LRRC3B: variants seen among roughly 807,000 people sequenced by gnomAD.
The protein encoded by LRRC3B is leucine rich repeat containing 3B.
LRRC3B carries 2 observed loss-of-function variants against 12.8 expected under a neutral mutation model. The ratio of observed to expected loss-of-function variants is 0.16; its 90% CI spans 0.06 to 0.49. The LOEUF is 0.49. LRRC3B is among the 20% of genes least tolerant of loss of function. The pLI is 0.96. For synonymous variants in LRRC3B, 132 were observed against 122.0 expected (o/e 1.08, Z -0.54); for missense variants, 189 against 319.4 (o/e 0.59, Z 3.11).
At chr3:26,651,160 T>G (rs1417265578) in intron 1 of LRRC3B, among the ~76,000 whole-genome samples, 1 of 152,076 alleles carries the variant, frequency 6.6e-6, no homozygotes, top group Non-Finnish European at 1.5e-5. Context: ...AGAGAATGGG[T>G]GTAGTTAAAA....
rs183898735 is a variant in LRRC3B, at chr3:26,684,211, T to C, written c.-160-25302T>C. Among the ~76,000 whole-genome samples, 98 of 152,346 alleles carry C rather than the reference T, an allele frequency of 6.4e-4. 1 individual carries two copies. The highest frequency in any genetic ancestry group is 2.3e-3 in the African/African-American group (96 of 41,578). On this transcript the variant is annotated intron_variant, in intron 1 of 1. Coordinates refer to ENST00000396641, the Ensembl canonical transcript of LRRC3B. ...CACAAAGCTTTGTGCTTTCTGATAGTATCCAAGGAACCAGGGGTGAAAGTA... is the reference window on the plus strand; with the variant it reads ...CACAAAGCTTTGTGCTTTCTGATAGCATCCAAGGAACCAGGGGTGAAAGTA...
In LRRC3B at chr3:26,705,372, C is replaced by T. The variant is rs984944894; in HGVS notation, c.-160-4141C>T. 4.0e-5 allele frequency among the ~76,000 whole-genome samples: 6 copies of T among 151,488 alleles called. No individual in the cohort carries two copies. In the East Asian group the frequency reaches 5.9e-4, roughly 15 times the overall value. ...TATTACGGCTTCTGCTTGACCCAGACGTAGTTAAAGGGAATGAGTAGATGG... is the reference window on the plus strand; with the variant it reads ...TATTACGGCTTCTGCTTGACCCAGATGTAGTTAAAGGGAATGAGTAGATGG... On this transcript the variant is annotated intron_variant, in intron 1 of 1. Transcript: ENST00000396641.
At chr3:26,709,404 T>TAAC in intron 1 of LRRC3B, 109 bp from the exon 2 acceptor site, 1 of 466,354 alleles carries the variant, frequency 2.1e-6, no homozygotes, top group South Asian at 3.4e-5. Flanking sequence ...ATTACCTGCA[T>TAAC]AACTAACCCC....
intron 1 of LRRC3B, among the ~76,000 whole-genome samples, chr3:26,682,804 A>C (rs982847008): frequency 1.1e-4 from 16 of 152,332 alleles, no homozygotes; most frequent in African/African-American, 3.4e-4. Flanking sequence ...CAGCTGCAGC[A>C]CATTAAAAGT....
At chr3:26,666,666 A>G (rs1170393148) in intron 1 of LRRC3B, among the ~76,000 whole-genome samples, 2 of 152,192 alleles carry the variant, frequency 1.3e-5, no homozygotes, top group African/African-American at 4.8e-5. Context: ...ATTCTGGTAC[A>G]TTTGCCACAA....
chr3:26,707,505 A>C (rs1254953442), intron 1 of LRRC3B, among the ~76,000 whole-genome samples: 1 of 152,194 alleles, frequency 6.6e-6, no homozygotes, highest in African/African-American at 2.4e-5. Context: ...CTCTGAATAG[A>C]GAACACTTCT....
At chr3:26,631,390 C>T (rs564328757) in intron 1 of LRRC3B, among the ~76,000 whole-genome samples, 101 of 152,308 alleles carry the variant, frequency 6.6e-4, no homozygotes, top group East Asian at 1.7e-3. Context: ...AGATTCACTT[C>T]GTTTCCCTTC....
rs572082548 is a variant in LRRC3B, at chr3:26,641,775, A to T, written c.-161+18538A>T. Among the ~76,000 whole-genome samples the T allele has an allele frequency of 6.1e-4, 92 of 152,000 alleles. 1 individual carries two copies. In the South Asian group the frequency reaches 0.014, roughly 22 times the overall value. On this transcript the variant is annotated intron_variant, in intron 1 of 1. Coordinates refer to ENST00000396641, the Ensembl canonical transcript of LRRC3B. ...TTTCTTTAAAAAAATTAATAAATTT[A>T]AAAAAATCAAATTTTTAAAAAATTA...
intron 1 of LRRC3B, among the ~76,000 whole-genome samples, chr3:26,684,564 C>G (rs1349088972): frequency 6.6e-6 from 1 of 152,204 alleles, no homozygotes; most frequent in Non-Finnish European, 1.5e-5. Flanking sequence ...AGTCCAAGAT[C>G]TAGGTGCTGG....
In LRRC3B at chr3:26,666,313, A is replaced by G. The variant is rs550118656; in HGVS notation, c.-161+43076A>G. ...AAGGAAAATACATGGCTGCCTTCAA[A>G]TTTATGAAAGTTTATTATAAGACAA... On this transcript the variant is annotated intron_variant, in intron 1 of 1. Coordinates refer to ENST00000396641, the Ensembl canonical transcript of LRRC3B. Among the ~76,000 whole-genome samples, 47 of 152,284 alleles carry G rather than the reference A, an allele frequency of 3.1e-4. 1 individual carries two copies. The highest frequency in any genetic ancestry group is 6.3e-4 in the Non-Finnish European group (43 of 68,002).
intron 1 of LRRC3B, among the ~76,000 whole-genome samples, chr3:26,641,502 G>A (rs556673910): frequency 6.6e-6 from 1 of 152,322 alleles, no homozygotes; most frequent in East Asian, 1.9e-4. Flanking sequence ...ATTCCCACAG[G>A]AAAGGGAAAT....
At chr3:26,702,378 G>A (rs963672705) in intron 1 of LRRC3B, among the ~76,000 whole-genome samples, 2 of 152,116 alleles carry the variant, frequency 1.3e-5, no homozygotes, top group African/African-American at 4.8e-5. Context: ...GATCACAGCT[G>A]TTGTTATTAA....
In LRRC3B at chr3:26,707,226, G is replaced by A. The variant is rs890154921; in HGVS notation, c.-160-2287G>A. 1.1e-4 allele frequency among the ~76,000 whole-genome samples: 16 copies of A among 150,900 alleles called. No homozygotes were observed. The East Asian group carries it at 2.7e-3, about 26-fold the overall frequency. ...AAAAAAAAAAAAAAAATAGCTGGGC[G>A]TGGTGGTGTGTGCCTATAGTTCCAG... On this transcript the variant is annotated intron_variant, in intron 1 of 1. Coordinates refer to ENST00000396641, the Ensembl canonical transcript of LRRC3B.
At chr3:26,623,450 G>A (rs575345810) in intron 1 of LRRC3B, among the ~76,000 whole-genome samples, 2 of 152,246 alleles carry the variant, frequency 1.3e-5, no homozygotes, top group Admixed American at 6.5e-5. Flanking sequence ...CTGTTCAGCC[G>A]GCTGCTATAC....
intron 1 of LRRC3B, among the ~76,000 whole-genome samples, chr3:26,665,367 CT>C (rs1299938793): frequency 6.6e-6 from 1 of 152,130 alleles, no homozygotes; most frequent in Non-Finnish European, 1.5e-5. Flanking sequence ...TTCCTATCGT[CT>C]TTGTTTTCTT....
intron 1 of LRRC3B, among the ~76,000 whole-genome samples, chr3:26,680,385 T>A (rs1190372045): frequency 6.6e-6 from 1 of 152,254 alleles, no homozygotes; most frequent in Admixed American, 6.5e-5. Context: ...ATGGCTTGTA[T>A]CTCTGTTTTA....
chr3:26,671,413 G>GAGAGAGAGACACAC (rs9331540), intron 1 of LRRC3B, among the ~76,000 whole-genome samples: 2 of 99,386 alleles, frequency 2.0e-5, no homozygotes, highest in Non-Finnish European at 3.9e-5. Context: ...GAGAGAGAGA[G>GAGAGAGAGACACAC]ACGAAGTCTT....
intron 1 of LRRC3B, among the ~76,000 whole-genome samples, chr3:26,630,718 C>A (rs1217413352): frequency 2.6e-4 from 39 of 151,956 alleles, no homozygotes; most frequent in Admixed American, 2.6e-3. Flanking sequence ...ACTTTTTTTT[C>A]CATGCAAGTT....
At chr3:26,624,471 G>A (rs954177888) in intron 1 of LRRC3B, 2 of 152,666 alleles carry the variant, frequency 1.3e-5, no homozygotes, top group Admixed American at 6.5e-5. Flanking sequence ...GTGTGTGCGG[G>A]GTAGAGGGGA....
Sources: gnomAD v4.1 joint callset for allele counts (sites outside exome capture counted in the v4.1 genomes callset) on GRCh38, gnomAD v4.1.1 for gene constraint, MANE v1.5 for transcripts, NCBI Gene and HGNC (gene_info 2026-07-23, HGNC 2026-07-21) for gene names.